Variants in PDGFC observed in about 807,000 individuals in gnomAD.
PDGFC encodes platelet-derived growth factor C.
Under a neutral mutation model 35.5 loss-of-function variants are expected in PDGFC, and 12 were observed. That is an observed-to-expected ratio of 0.34 (90% CI 0.22 to 0.55). The LOEUF (loss-of-function observed/expected upper bound fraction) is 0.55. PDGFC is among the 20% of genes least tolerant of loss of function. The probability of loss-of-function intolerance (pLI) is 0.91; values close to 1 mark genes in which losing one functional copy is unlikely to be tolerated. For missense variants in PDGFC, 322 were observed against 412.4 expected, an observed-to-expected ratio of 0.78 and a Z score of 1.90; for synonymous variants, 159 against 148.8, an observed-to-expected ratio of 1.07 and a Z score of -0.50.
chr4:156,772,130 T>G (rs906604321), intron 4 of PDGFC, among the ~76,000 whole-genome samples: 1 of 152,200 alleles, frequency 6.6e-6, no homozygotes, highest in Non-Finnish European at 1.5e-5. Context: ...TTTAGGTTCT[T>G]GTTTTCTTGC....
At chr4:156,883,490 A>G (rs2111176360) in intron 1 of PDGFC, among the ~76,000 whole-genome samples, 1 of 152,306 alleles carries the variant, frequency 6.6e-6, no homozygotes, top group African/African-American at 2.4e-5. Flanking sequence ...ATTTGAGGCA[A>G]GGTTTATGTT....
At position 156,847,113 on chromosome 4, in the gene PDGFC, T is replaced by C. The variant is rs199608805; in HGVS notation, c.314+3108A>G. Among the ~76,000 whole-genome samples the C allele has an allele frequency of 6.6e-5, 10 of 151,790 alleles. No individual in the cohort carries two copies. The East Asian group carries it at 1.4e-3, about 21-fold the overall frequency. ...CTTTGCTGAAGAATTCCAAATAATA[T>C]ATGCATATACCCTTTAGGAGGTGGA... On this transcript the variant is annotated intron_variant, in intron 2 of 5. Coordinates refer to ENST00000502773, the MANE Select transcript of PDGFC (RefSeq NM_016205.3).
At position 156,825,410 on chromosome 4, in the gene PDGFC, G is replaced by A. The variant is rs184156907; in HGVS notation, c.315-14393C>T. On this transcript the variant is annotated intron_variant, in intron 2 of 5. Transcript: ENST00000502773. ...CCAAAAAAAAAAAAAAAATTCCCAG[G>A]CTGGTGATGCCTGCCTGTAGTACCA... Among the ~76,000 whole-genome samples, 296 of 150,858 alleles carry A rather than the reference G, an allele frequency of 2.0e-3. 2 individuals carry two copies. The highest frequency in any genetic ancestry group is 6.8e-3 in the African/African-American group (279 of 40,872).
At chr4:156,828,659 T>C (rs1344778150) in intron 2 of PDGFC, among the ~76,000 whole-genome samples, 1 of 152,174 alleles carries the variant, frequency 6.6e-6, no homozygotes, top group Non-Finnish European at 1.5e-5. Context: ...TATATAATTG[T>C]ATTCTGGAAA....
At chr4:156,835,552 T>C (rs906218411) in intron 2 of PDGFC, among the ~76,000 whole-genome samples, 2 of 152,208 alleles carry the variant, frequency 1.3e-5, no homozygotes, top group Non-Finnish European at 2.9e-5. Context: ...TAGAAGGGAT[T>C]TGAATCTTCA....
intron 1 of PDGFC, among the ~76,000 whole-genome samples, chr4:156,936,636 G>A (rs1731690195): frequency 6.6e-6 from 1 of 152,186 alleles, no homozygotes; most frequent in African/African-American, 2.4e-5. Flanking sequence ...TATTTGAAAA[G>A]TCTTGCAAAG....
Position 156,763,105 on chromosome 4 carries a change from C to T in PDGFC, c.1023G>A (p.Gly341=), listed in dbSNP as rs373720182. 118 of 1,593,712 alleles carry T rather than the reference C, an allele frequency of 7.4e-5. 1 individual carries two copies. Among genetic ancestry groups the T allele is most frequent in the South Asian group, 5.0e-4 (45 of 90,592 alleles). The change falls in exon 6 of 6, where the codon GGG becomes GGA. Residue 341 remains glycine, a synonymous_variant. Coordinates refer to ENST00000502773, the MANE Select transcript of PDGFC (RefSeq NM_016205.3). ...HHEECDCVCR[G]STGG ...GGTGATGCGGCTATCCTCCTGTGCT[C>T]CCTCTGCACACACAGTCACACTCCT...
intron 3 of PDGFC, among the ~76,000 whole-genome samples, chr4:156,807,453 A>G (rs1731797977): frequency 6.6e-6 from 1 of 152,078 alleles, no homozygotes; most frequent in Non-Finnish European, 1.5e-5. Context: ...TATAATAAAT[A>G]TGTAAAATCT....
chr4:156,847,367 C>G (rs1729350973), intron 2 of PDGFC, among the ~76,000 whole-genome samples: 2 of 151,720 alleles, frequency 1.3e-5, no homozygotes, highest in Admixed American at 1.3e-4. Context: ...AACTTATAAT[C>G]TCAGTGTAAG....
chr4:156,860,817 A>G (rs1729693526), intron 1 of PDGFC, among the ~76,000 whole-genome samples: 1 of 152,154 alleles, frequency 6.6e-6, no homozygotes, highest in African/African-American at 2.4e-5. Flanking sequence ...TATAGCAGTT[A>G]TCATACTGCA....
At chr4:156,764,779 T>G (rs1209570013) in intron 5 of PDGFC, among the ~76,000 whole-genome samples, 1 of 152,198 alleles carries the variant, frequency 6.6e-6, no homozygotes, top group Non-Finnish European at 1.5e-5. Context: ...TGTGTCAGAC[T>G]AACTACATTT....
At chr4:156,826,810 C>A (rs910680318) in intron 2 of PDGFC, among the ~76,000 whole-genome samples, 1 of 152,030 alleles carries the variant, frequency 6.6e-6, no homozygotes, top group Non-Finnish European at 1.5e-5. Flanking sequence ...AGCTGACCAG[C>A]AGCATAAGCC....
chr4:156,864,540 A>G (rs1353510018), intron 1 of PDGFC, among the ~76,000 whole-genome samples: 2 of 152,058 alleles, frequency 1.3e-5, no homozygotes, highest in Non-Finnish European at 2.9e-5. Context: ...CAAATTTGAT[A>G]TTTTTCTCTT....
intron 1 of PDGFC, among the ~76,000 whole-genome samples, chr4:156,925,253 A>G (rs1436070828): frequency 6.6e-6 from 1 of 152,186 alleles, no homozygotes; most frequent in Non-Finnish European, 1.5e-5. Context: ...TTCAGAAACC[A>G]GGGTAAGAAA....
At chr4:156,878,157 T>C (rs1315375551) in intron 1 of PDGFC, among the ~76,000 whole-genome samples, 1 of 152,132 alleles carries the variant, frequency 6.6e-6, no homozygotes, top group African/African-American at 2.4e-5. Context: ...TAAAAATATT[T>C]GGGAAATTAG....
chr4:156,866,542 T>C (rs1729847285), intron 1 of PDGFC, among the ~76,000 whole-genome samples: 1 of 152,060 alleles, frequency 6.6e-6, no homozygotes, highest in African/African-American at 2.4e-5. Context: ...TGTGGGTGTG[T>C]GCGTGTGTGT....
chr4:156,948,488 C>T (rs1229048568), intron 1 of PDGFC, among the ~76,000 whole-genome samples: 2 of 151,862 alleles, frequency 1.3e-5, no homozygotes, highest in African/African-American at 4.8e-5. Context: ...ACCTCCTAGG[C>T]TTCTAAAAAA....
chr4:156,970,736 T>C (rs1244062270), intron 1 of PDGFC, 50 bp downstream of exon 1: 1 of 1,170,626 alleles, frequency 8.5e-7, no homozygotes, highest in South Asian at 1.2e-5. Context: ...ATGCCAACGT[T>C]AACACACACA....
At chr4:156,860,304 T>C (rs1041420698) in intron 1 of PDGFC, among the ~76,000 whole-genome samples, 1 of 152,186 alleles carries the variant, frequency 6.6e-6, no homozygotes, top group Non-Finnish European at 1.5e-5. Context: ...CTGAGTGTCC[T>C]CCTTTATGGC....
Sources: allele counts gnomAD v4.1 joint callset (sites outside exome capture counted in the v4.1 genomes callset), GRCh38; gene constraint gnomAD v4.1.1; transcripts MANE v1.5; gene names NCBI Gene and HGNC (gene_info 2026-07-23, HGNC 2026-07-21).